TTC17: variants seen among roughly 807,000 people sequenced by gnomAD.
TTC17 encodes the protein tetratricopeptide repeat domain 17, also known as tetratricopeptide repeat protein 17.
In TTC17, 58 loss-of-function variants were observed where a neutral mutation model predicts 143.8. That is an observed-to-expected ratio of 0.40 (90% confidence interval 0.33 to 0.50). The LOEUF is 0.50. Ranked by LOEUF, TTC17 falls within the 20% of genes least tolerant of loss-of-function variation. The probability of loss-of-function intolerance (pLI) is 0.49; values close to 1 mark genes in which losing one functional copy is unlikely to be tolerated. For synonymous variants in TTC17, 501 were observed against 497.8 expected (o/e 1.01, Z -0.09); for missense variants, 1,273 against 1,392.5 (o/e 0.91, Z 1.37).
chr11:43,461,187 G>A (rs887709320), intron 21 of TTC17, among the ~76,000 whole-genome samples: 7 of 151,860 alleles, frequency 4.6e-5, no homozygotes, highest in South Asian at 4.1e-4. Context: ...GATTGAGACC[G>A]TCCTGGCTAA....
At chr11:43,453,066 G>A (rs1947694283) in intron 21 of TTC17, among the ~76,000 whole-genome samples, 1 of 152,186 alleles carries the variant, frequency 6.6e-6, no homozygotes, top group South Asian at 2.1e-4. Flanking sequence ...AAACAGGTCA[G>A]TAGTAGAAAA....
intron 2 of TTC17, among the ~76,000 whole-genome samples, chr11:43,384,613 C>T (rs578247361): frequency 5.3e-5 from 8 of 152,300 alleles, no homozygotes; most frequent in Non-Finnish European, 7.3e-5. Flanking sequence ...GAGATTGCAC[C>T]ACACCACTGC....
intron 19 of TTC17, 66 bp from the exon 20 acceptor site, chr11:43,450,016 G>C: frequency 6.5e-7 from 1 of 1,531,902 alleles, no homozygotes; most frequent in Admixed American, 1.8e-5. Context: ...TGTTAATGCT[G>C]TCTCTCTTCT....
chr11:43,373,063 A>G (rs759291203), intron 1 of TTC17, among the ~76,000 whole-genome samples: 66 of 152,298 alleles, frequency 4.3e-4, no homozygotes, highest in Non-Finnish European at 5.4e-4. Context: ...CTGACATGAT[A>G]TATATCTAAC....
chr11:43,490,219 T>G lies in TTC17; in HGVS notation c.3031-20T>G. 6.3e-7 allele frequency: 1 copy of G among 1,596,996 alleles called. No individual in the cohort carries two copies. Among genetic ancestry groups the G allele is most frequent in the Non-Finnish European group, 8.6e-7 (1 of 1,168,384 alleles). On this transcript the variant is annotated intron_variant, in intron 21 of 23. Coordinates refer to ENST00000039989, the MANE Select transcript of TTC17 (RefSeq NM_018259.6). The stretch of plus-strand genomic sequence containing the variant: ...TATGTTCTTGAAAGGACACCAGCCT[T>G]GGCTAACATTCCTTTGCAGAACCAG...
At chr11:43,491,999 C>G (rs200335474) in intron 22 of TTC17, 21 bp from the exon 23 acceptor site, 23 of 1,611,988 alleles carry the variant, frequency 1.4e-5, no homozygotes, top group Non-Finnish European at 2.0e-5. Flanking sequence ...TCCCTTCTCA[C>G]CATTCTCCTT....
chr11:43,365,380 C>T (rs919481485), intron 1 of TTC17, among the ~76,000 whole-genome samples: 14 of 151,782 alleles, frequency 9.2e-5, no homozygotes, highest in African/African-American at 1.5e-4. Context: ...GTGATCCTCC[C>T]GCCTCAGCCT....
At chr11:43,460,641 T>G (rs1192507505) in intron 21 of TTC17, among the ~76,000 whole-genome samples, 1 of 152,234 alleles carries the variant, frequency 6.6e-6, no homozygotes, top group Non-Finnish European at 1.5e-5. Context: ...TTGCTTAAGA[T>G]TCTACTGTCT....
At chr11:43,359,397 A>G (rs1382826078) in intron 1 of TTC17, 4 of 399,730 alleles carry the variant, frequency 1.0e-5, no homozygotes, top group South Asian at 4.8e-5. Context: ...GACGGGCCCT[A>G]CGGACCTTTT....
At chr11:43,451,695 G>A (rs150840369) in intron 21 of TTC17, among the ~76,000 whole-genome samples, 33 of 152,218 alleles carry the variant, frequency 2.2e-4, no homozygotes, top group Middle Eastern at 6.8e-3. Flanking sequence ...TTGCATTTTC[G>A]TAGAGCCTAC....
chr11:43,470,269 G>A (rs528247591), intron 21 of TTC17, among the ~76,000 whole-genome samples: 1 of 152,270 alleles, frequency 6.6e-6, no homozygotes, highest in South Asian at 2.1e-4. Flanking sequence ...CACATAGTTC[G>A]CACCTTAGTC....
At position 43,479,784 on chromosome 11, in the gene TTC17, A is replaced by G. The variant is rs57477976; in HGVS notation, c.3031-10455A>G. Among the ~76,000 whole-genome samples the G allele has an allele frequency of 9.3e-4, 142 of 152,308 alleles. 1 individual carries two copies. In the Middle Eastern group the frequency reaches 0.014, roughly 15 times the overall value. ...AAGATAACTGTAGGGAACAGCTCCC[A>G]CCTCTAGGTGTGGAAAAGGGCAGCA... is the stretch of plus-strand genomic sequence containing the variant. On this transcript the variant is annotated intron_variant, in intron 21 of 23. Transcript: ENST00000039989.
chr11:43,463,333 G>T (rs1002081637), intron 21 of TTC17, among the ~76,000 whole-genome samples: 1 of 151,974 alleles, frequency 6.6e-6, no homozygotes, highest in African/African-American at 2.4e-5. Context: ...TTCTTAGCAT[G>T]GAAATGGATA....
intron 16 of TTC17, among the ~76,000 whole-genome samples, chr11:43,442,713 C>G (rs1947450168): frequency 1.3e-5 from 2 of 152,150 alleles, no homozygotes; most frequent in African/African-American, 4.8e-5. Context: ...CACTGAGAGT[C>G]TTCCATAGGA....
chr11:43,410,113 A>G (rs1858341690), intron 15 of TTC17, among the ~76,000 whole-genome samples: 1 of 152,108 alleles, frequency 6.6e-6, no homozygotes, highest in South Asian at 2.1e-4. Context: ...TTGACCTCCC[A>G]AAGTGCTGGG....
intron 21 of TTC17, among the ~76,000 whole-genome samples, chr11:43,468,797 C>T (rs748023134): frequency 2.6e-5 from 4 of 152,000 alleles, no homozygotes; most frequent in Admixed American, 1.3e-4. Flanking sequence ...CAGCCAGCAA[C>T]GCCTGTAGTC....
chr11:43,398,014 A>G lies in TTC17; in HGVS notation c.959A>G (p.His320Arg). ...AACCACTCAGTGCTCTGTTATGACC[A>G]CGCTTTGCAGGCCAGACCTGGGTTT... ...EYNHSVLCYD[H>R]ALQARPGFEQ... Residue 320 changes from histidine (H) to arginine (R), a missense_variant, in exon 8 of 24, where the codon CAC becomes CGC. Physicochemically the swap from His to Arg is conservative, Grantham distance 29. This residue lies in a region of TTC17 where 325 missense variants were observed against 444.2 expected (regional missense o/e 0.73). Transcript: ENST00000039989. 6.2e-7 allele frequency: 1 copy of G among 1,613,394 alleles called. No individual in the cohort carries two copies. Among genetic ancestry groups the G allele is most frequent in the Non-Finnish European group, 8.5e-7 (1 of 1,179,906 alleles).
At chr11:43,393,338 A>C (rs1857459854) in intron 5 of TTC17, among the ~76,000 whole-genome samples, 1 of 152,192 alleles carries the variant, frequency 6.6e-6, no homozygotes. Flanking sequence ...GAAGTCAGGA[A>C]AGCACTTTAC....
intron 21 of TTC17, among the ~76,000 whole-genome samples, chr11:43,487,913 C>T (rs1245892851): frequency 6.6e-6 from 1 of 152,168 alleles, no homozygotes; most frequent in Non-Finnish European, 1.5e-5. Flanking sequence ...TCTTCTAGCT[C>T]CTTCATATAA....
Sources: gnomAD v4.1 joint callset for allele counts (sites outside exome capture counted in the v4.1 genomes callset) on GRCh38, gnomAD v4.1.1 for gene constraint, gnomAD v4.1.1 regional missense constraint, MANE v1.5 for transcripts, NCBI Gene and HGNC (gene_info 2026-07-23, HGNC 2026-07-21) for gene names.